Variants in DCDC1 observed in about 807,000 individuals in gnomAD.
DCDC1 encodes the protein doublecortin domain-containing protein 1.
In DCDC1, 200 loss-of-function variants were observed where a neutral mutation model predicts 178.3. That is an observed-to-expected ratio of 1.12 (90% CI 1.00 to 1.26). The LOEUF (loss-of-function observed/expected upper bound fraction) is 1.26. DCDC1 is among the 50% of genes most tolerant of loss of function. The pLI, the probability that DCDC1 is intolerant of heterozygous loss-of-function variation, is 0.00. For missense variants in DCDC1, 1,983 were observed against 1,749.2 expected, an observed-to-expected ratio of 1.13 and a Z score of -2.38; for synonymous variants, 690 against 604.8, an observed-to-expected ratio of 1.14 and a Z score of -2.07.
intron 1 of DCDC1, among the ~76,000 whole-genome samples, chr11:31,341,748 A>G (rs1950558404): frequency 6.6e-6 from 1 of 151,374 alleles, no homozygotes; most frequent in Non-Finnish European, 1.5e-5. Flanking sequence ...TTATAATCTC[A>G]TGGGAGTACC....
At chr11:31,271,488 C>A (rs1161077884) in intron 7 of DCDC1, among the ~76,000 whole-genome samples, 2 of 152,178 alleles carry the variant, frequency 1.3e-5, no homozygotes, top group African/African-American at 2.4e-5. Context: ...AGCTAAATGT[C>A]TTAGATTTGT....
chr11:31,102,134 T>A (rs1220936430), intron 15 of DCDC1, 43 bp downstream of exon 15: 5 of 606,304 alleles, frequency 8.2e-6, no homozygotes. Context: ...GAGTGTCCAA[T>A]ACATAAAGTG....
intron 9 of DCDC1, among the ~76,000 whole-genome samples, chr11:31,147,736 T>C (rs1055631461): frequency 5.9e-5 from 9 of 152,174 alleles, no homozygotes; most frequent in African/African-American, 2.2e-4. Flanking sequence ...TGGGAGCTGA[T>C]CCAGGCTAAC....
chr11:30,938,436 C>CCTGCCTT (rs1947417783), intron 21 of DCDC1, among the ~76,000 whole-genome samples: 1 of 152,182 alleles, frequency 6.6e-6, no homozygotes, highest in Admixed American at 6.5e-5. Flanking sequence ...CTGGCTCTCC[C>CCTGCCTT]CTGCCTTCAG....
intron 20 of DCDC1, among the ~76,000 whole-genome samples, chr11:30,968,100 T>C (rs1275856536): frequency 6.6e-6 from 1 of 152,092 alleles, no homozygotes; most frequent in East Asian, 1.9e-4. Flanking sequence ...ACTGAGACAG[T>C]TTCTATCCTT....
intron 21 of DCDC1, among the ~76,000 whole-genome samples, chr11:30,945,555 T>C (rs964182190): frequency 1.1e-4 from 16 of 151,776 alleles, no homozygotes; most frequent in Non-Finnish European, 2.4e-4. Flanking sequence ...TAGCCAGGCA[T>C]GGTGGCACAT....
intron 17 of DCDC1, among the ~76,000 whole-genome samples, chr11:31,087,266 T>C (rs1957536465): frequency 6.6e-6 from 1 of 152,138 alleles, no homozygotes; most frequent in Admixed American, 6.5e-5. Context: ...ATCTGAACAA[T>C]CTGACTAGAG....
At chr11:31,163,317 G>C (rs1018458701) in intron 9 of DCDC1, among the ~76,000 whole-genome samples, 1 of 152,094 alleles carries the variant, frequency 6.6e-6, no homozygotes, top group African/African-American at 2.4e-5. Flanking sequence ...TAATCAATGT[G>C]GTGAATGTGG....
At chr11:31,101,948 G>A (rs1304013934) in intron 15 of DCDC1, among the ~76,000 whole-genome samples, 30 of 151,944 alleles carry the variant, frequency 2.0e-4, no homozygotes, top group Admixed American at 1.7e-3. Context: ...ATGGTGGCGC[G>A]TGCCTGTAGA....
chr11:31,046,232 T>A (rs1011952261), intron 20 of DCDC1, among the ~76,000 whole-genome samples: 7 of 152,180 alleles, frequency 4.6e-5, no homozygotes, highest in African/African-American at 1.7e-4. Context: ...ATTGGCTTTT[T>A]CCATTCAGCA....
chr11:31,210,056 G>A (rs1331880740), intron 9 of DCDC1, among the ~76,000 whole-genome samples: 2 of 152,014 alleles, frequency 1.3e-5, no homozygotes, highest in Non-Finnish European at 2.9e-5. Flanking sequence ...CTACATGGGG[G>A]GTATCCGATA....
At chr11:31,092,318 A>G (rs1012437824) in intron 16 of DCDC1, among the ~76,000 whole-genome samples, 1 of 152,084 alleles carries the variant, frequency 6.6e-6, no homozygotes, top group East Asian at 1.9e-4. Context: ...AAATATTTCT[A>G]AAAAAAATTG....
At chr11:30,982,919 G>A (rs954372518) in intron 20 of DCDC1, among the ~76,000 whole-genome samples, 3 of 152,058 alleles carry the variant, frequency 2.0e-5, no homozygotes, top group Non-Finnish European at 2.9e-5. Context: ...ACATTTTTCT[G>A]TGATTAATTT....
At position 31,064,560 on chromosome 11, in the gene DCDC1, T is replaced by C; in HGVS notation, c.2500A>G (p.Met834Val). 1.3e-6 allele frequency: 1 copy of C among 765,996 alleles called. No individual in the cohort carries two copies. The highest frequency in any genetic ancestry group is 2.4e-6 in the Non-Finnish European group (1 of 417,604). The allele number at this position is 765,996 out of a possible 1,614,324, so 47.4% of individuals were successfully genotyped here. A position where few individuals can be genotyped will look rare whatever the true frequency, so the allele number is the denominator to read the frequency against. Residue 834 changes from methionine to valine, a missense_variant, in exon 20 of 39, where the codon ATG (methionine) becomes GTG (valine). By Grantham distance (21) the Met-to-Val change is conservative. Coordinates refer to ENST00000684477, the MANE Select transcript of DCDC1 (RefSeq NM_001387274.1). ...GTCTCCTCAAGAGAACCTTCTGGCA[T>C]TAAATGGGTGTCTGAGGGTTCTGGC... ...QLPEPSDTHL[M>V]PEGSLEETGE...
At chr11:31,146,951 C>A (rs1270247924) in intron 9 of DCDC1, among the ~76,000 whole-genome samples, 1 of 152,084 alleles carries the variant, frequency 6.6e-6, no homozygotes, top group African/African-American at 2.4e-5. Flanking sequence ...GCCATCGTGT[C>A]GAGGTGGCTG....
chr11:30,944,255 T>C (rs1210746354), intron 21 of DCDC1: 3 of 451,328 alleles, frequency 6.6e-6, no homozygotes, highest in African/African-American at 2.0e-5. Context: ...TTCTTCCTTG[T>C]TGACTCATAG....
At chr11:31,297,553 G>T (rs1278888572) in intron 6 of DCDC1, among the ~76,000 whole-genome samples, 1 of 151,846 alleles carries the variant, frequency 6.6e-6, no homozygotes, top group Admixed American at 6.6e-5. Flanking sequence ...CACCTTATTG[G>T]CCAGGCTGGT....
chr11:30,975,667 C>T (rs1950062228), intron 20 of DCDC1, among the ~76,000 whole-genome samples: 1 of 151,810 alleles, frequency 6.6e-6, no homozygotes, highest in Non-Finnish European at 1.5e-5. Flanking sequence ...AAGTGAAAGA[C>T]TTCTACAAGG....
At chr11:31,302,445 T>A (rs1393999178) in intron 6 of DCDC1, among the ~76,000 whole-genome samples, 3 of 152,148 alleles carry the variant, frequency 2.0e-5, no homozygotes, top group African/African-American at 7.2e-5. Flanking sequence ...ATAATTTCAA[T>A]GAATTATTAA....
Sources: gnomAD v4.1 joint callset for allele counts (sites outside exome capture counted in the v4.1 genomes callset) on GRCh38, gnomAD v4.1.1 for gene constraint, MANE v1.5 for transcripts, NCBI Gene and HGNC (gene_info 2026-07-23, HGNC 2026-07-21) for gene names.